The following COPG2 variants were observed in gnomAD, a reference collection of about 807,000 sequenced individuals.
COPG2 encodes coat protein complex I subunit gamma 2.
COPG2 carries 37 observed loss-of-function variants against 46.3 expected under a neutral mutation model. The ratio of observed to expected loss-of-function variants is 0.80; its 90% confidence interval spans 0.61 to 1.05. The LOEUF is 1.05. Ranked by LOEUF, COPG2 falls within the 50% of genes least tolerant of loss-of-function variation. COPG2 has a pLI of 0.00. For synonymous variants in COPG2, 159 were observed against 129.7 expected (o/e 1.23, Z -1.53); for missense variants, 427 against 387.8 (o/e 1.10, Z -0.85).
chr7:130,557,836 A>AAAAAAAAAAC (rs1311217668), intron 12 of COPG2, among the ~76,000 whole-genome samples: 1 of 148,226 alleles, frequency 6.7e-6, no homozygotes, highest in African/African-American at 2.5e-5. Context: ...AAAAAAAAAA[A>AAAAAAAAAAC]AATCATGCAA....
intron 6 of COPG2, among the ~76,000 whole-genome samples, chr7:130,613,872 C>A (rs531254056): frequency 2.0e-5 from 3 of 152,178 alleles, no homozygotes; most frequent in Admixed American, 6.5e-5. Context: ...AATAACTGTT[C>A]AACAATGAAA....
chr7:130,620,224 G>C (rs1795015232), intron 5 of COPG2, among the ~76,000 whole-genome samples: 1 of 151,962 alleles, frequency 6.6e-6, no homozygotes, highest in African/African-American at 2.4e-5. Flanking sequence ...ATTTCAATGA[G>C]TGTCTGTTAA....
chr7:130,573,900 G>A (rs146241302), intron 9 of COPG2, among the ~76,000 whole-genome samples: 4,243 of 152,180 alleles, frequency 0.028, 96 homozygotes, highest in Non-Finnish European at 0.04. Flanking sequence ...ATACATAATA[G>A]AAATGGTATG....
intron 20 of COPG2, among the ~76,000 whole-genome samples, chr7:130,542,944 G>A (rs1793363468): frequency 6.6e-6 from 1 of 152,164 alleles, no homozygotes; most frequent in African/African-American, 2.4e-5. Context: ...GAGTGTAGGA[G>A]CATTTTAGGG....
At chr7:130,645,108 A>AT (rs1795569844) in intron 5 of COPG2, 3 of 409,950 alleles carry the variant, frequency 7.3e-6, no homozygotes, top group African/African-American at 6.5e-5. Context: ...TTAAGCATCC[A>AT]TTTTTTCAGG....
At chr7:130,558,095 A>T (rs2116397587) in intron 12 of COPG2, among the ~76,000 whole-genome samples, 1 of 152,036 alleles carries the variant, frequency 6.6e-6, no homozygotes, top group East Asian at 1.9e-4. Context: ...GGTCTTAAAA[A>T]TTTTCTTTCA....
chr7:130,606,517 T>A (rs947558760), intron 9 of COPG2, among the ~76,000 whole-genome samples: 10 of 152,214 alleles, frequency 6.6e-5, no homozygotes, highest in African/African-American at 2.4e-4. Flanking sequence ...CTTGTTATTA[T>A]GTATTGGCAG....
At chr7:130,518,575 C>A (rs935984427) in intron 20 of COPG2, among the ~76,000 whole-genome samples, 1 of 152,034 alleles carries the variant, frequency 6.6e-6, no homozygotes, top group Non-Finnish European at 1.5e-5. Flanking sequence ...GCTGATAATA[C>A]TGATGTTAAT....
intron 5 of COPG2, chr7:130,645,338 C>T: frequency 1.8e-6 from 1 of 570,920 alleles, no homozygotes; most frequent in Middle Eastern, 3.4e-4. Context: ...GCACAGTTGC[C>T]TTCTACTACA....
chr7:130,560,632 T>C (rs1310558151), intron 12 of COPG2, among the ~76,000 whole-genome samples: 1 of 152,180 alleles, frequency 6.6e-6, no homozygotes, highest in Non-Finnish European at 1.5e-5. Context: ...TTCAGTAACA[T>C]AATACAAAGC....
intron 1 of COPG2, 52 bp from the exon 2 acceptor site, chr7:130,667,586 C>G: frequency 7.0e-7 from 1 of 1,434,934 alleles, no homozygotes; most frequent in East Asian, 2.3e-5. Flanking sequence ...TCTACACAAA[C>G]TTATATACTT....
chr7:130,612,404 C>A (rs1563059292), intron 7 of COPG2, among the ~76,000 whole-genome samples, 166 bp from the exon 8 acceptor site: 1 of 152,110 alleles, frequency 6.6e-6, no homozygotes. Context: ...AACTGATAAA[C>A]CAGAAGTATT....
At chr7:130,522,929 C>A (rs1163422551) in intron 20 of COPG2, among the ~76,000 whole-genome samples, 4 of 151,154 alleles carry the variant, frequency 2.6e-5, no homozygotes, top group Non-Finnish European at 5.9e-5. Context: ...ACCAGCCTGG[C>A]CAACATGGCG....
At position 130,507,801 on chromosome 7, in the gene COPG2, A is replaced by G; in HGVS notation, c.2270T>C (p.Val757Ala). The G allele has an allele frequency of 1.3e-6, 1 of 780,622 alleles. No individual in the cohort carries two copies. Among genetic ancestry groups the G allele is most frequent in the Non-Finnish European group, 2.4e-6 (1 of 417,860 alleles). The allele number at this position is 780,622 out of a possible 1,614,324, so 48.4% of individuals were successfully genotyped here. Residue 757 changes from valine (V) to alanine (A), a missense_variant, in exon 22 of 24, where the codon GTG becomes GCG. By Grantham distance (64) the Val-to-Ala change is moderately conservative. Coordinates refer to ENST00000425248, the MANE Select transcript of COPG2 (RefSeq NM_012133.6). ...EYVLEDLEVT[V>A]SDHIQKVLKP... ...CAGTACTTTCTGAATATGGTCAGAC[A>G]CAGTCACTTCGAGATCTTCCAGCTA... is the stretch of plus-strand genomic sequence containing the variant.
intron 9 of COPG2, among the ~76,000 whole-genome samples, chr7:130,587,648 G>A (rs868951400): frequency 3.3e-5 from 5 of 152,148 alleles, no homozygotes; most frequent in Non-Finnish European, 5.9e-5. Flanking sequence ...TAATTCAAGA[G>A]GGATTAAAGA....
chr7:130,581,994 C>T (rs1235478377), intron 9 of COPG2, among the ~76,000 whole-genome samples: 1 of 152,156 alleles, frequency 6.6e-6, no homozygotes, highest in African/African-American at 2.4e-5. Flanking sequence ...TTGGAAAAAA[C>T]TACTTTAAAG....
chr7:130,633,989 T>C (rs1360446458), intron 5 of COPG2, among the ~76,000 whole-genome samples: 2 of 152,208 alleles, frequency 1.3e-5, no homozygotes, highest in East Asian at 3.8e-4. Flanking sequence ...CCTTTCCCCA[T>C]TGCTTGTTTT....
intron 20 of COPG2, among the ~76,000 whole-genome samples, chr7:130,544,330 G>T (rs1793392739): frequency 6.6e-6 from 1 of 152,118 alleles, no homozygotes; most frequent in East Asian, 1.9e-4. Flanking sequence ...GCTTAAGATG[G>T]CACTTTAAGG....
At position 130,531,037 on chromosome 7, in the gene COPG2, C is replaced by T. The variant is rs914520519; in HGVS notation, c.2149+16637G>A. Among the ~76,000 whole-genome samples, 121 of 114,984 alleles carry T rather than the reference C, an allele frequency of 1.1e-3. 1 individual carries two copies. Among genetic ancestry groups the T allele is most frequent in the Non-Finnish European group, 4.3e-4 (25 of 58,040 alleles). The allele number at this position is 114,984 out of a possible 152,430, so 75.4% of individuals were successfully genotyped here. The stretch of plus-strand genomic sequence containing the variant: ...GAATCTTGGGCCAGGCTCTTTACTA[C>T]GGATCCGGTGGGGAAGGGTGGGTGG... On this transcript the variant is annotated intron_variant, in intron 20 of 23. Coordinates refer to ENST00000425248, the MANE Select transcript of COPG2 (RefSeq NM_012133.6).
Sources: allele counts gnomAD v4.1 joint callset (sites outside exome capture counted in the v4.1 genomes callset), GRCh38; gene constraint gnomAD v4.1.1; transcripts MANE v1.5; gene names NCBI Gene and HGNC (gene_info 2026-07-23, HGNC 2026-07-21).